CARF: variants seen among roughly 807,000 people sequenced by gnomAD.
The protein encoded by CARF is calcium-responsive transcription factor.
CARF carries 57 observed loss-of-function variants against 82.0 expected under a neutral mutation model. That is an observed-to-expected ratio of 0.70 (90% confidence interval 0.56 to 0.87). CARF has a LOEUF of 0.87. CARF is among the 40% of genes least tolerant of loss of function. CARF has a pLI of 0.00. For synonymous variants in CARF, 268 were observed against 290.1 expected (o/e 0.92, Z 0.77); for missense variants, 771 against 855.8 (o/e 0.90, Z 1.24).
chr2:202,971,966 A>C (rs999845895), intron 12 of CARF, among the ~76,000 whole-genome samples: 2 of 152,150 alleles, frequency 1.3e-5, no homozygotes, highest in African/African-American at 4.8e-5. Flanking sequence ...TACTCACTTG[A>C]GACATTCTAT....
At chr2:202,940,582 G>T (rs2058181772) in intron 3 of CARF, among the ~76,000 whole-genome samples, 3 of 151,956 alleles carry the variant, frequency 2.0e-5, no homozygotes, top group Non-Finnish European at 4.4e-5. Flanking sequence ...AATTGGGTTT[G>T]TTTTTCTCCA....
intron 3 of CARF, among the ~76,000 whole-genome samples, chr2:202,936,414 G>A (rs1693958749): frequency 2.0e-5 from 3 of 152,066 alleles, no homozygotes; most frequent in African/African-American, 7.2e-5. Context: ...ATAAAATTTG[G>A]TACCCATTAG....
rs1456120469 is a variant in CARF, at chr2:202,982,155, T to C, written c.1773T>C (p.Pro591=). The part of the protein sequence containing the change: ...VSVNNQPSSS[P]SGLLDTIGSA... ...TAAATAACCAGCCGTCCTCTAGTCCTTCAGGACTTCTGGATACAATAGGAA... is the reference window on the plus strand; with the variant it reads ...TAAATAACCAGCCGTCCTCTAGTCCCTCAGGACTTCTGGATACAATAGGAA... The change falls in exon 16 of 17, where the codon CCT becomes CCC. Residue 591 remains proline, a synonymous_variant. Coordinates refer to ENST00000438828, the MANE Select transcript of CARF (RefSeq NM_024744.17). 1.5e-5 allele frequency: 25 copies of C among 1,614,088 alleles called. No homozygotes were observed. The highest frequency in any genetic ancestry group is 2.1e-5 in the Non-Finnish European group (25 of 1,180,030).
At position 202,986,831 on chromosome 2, in the gene CARF, C is replaced by T. The variant is rs1276376287; in HGVS notation, c.*3207C>T. ...TGAGAAAGATGTTGTTTAACTTGTA[C>T]CAGGTTTAAAAAAAGAGGTTTAAAA... is the stretch of plus-strand genomic sequence containing the variant. On this transcript the variant is annotated 3_prime_UTR_variant, in exon 17 of 17. Transcript: ENST00000438828. 1.2e-5 allele frequency: 1 copy of T among 86,914 alleles called. No homozygotes were observed. The highest frequency in any genetic ancestry group is 2.6e-5 in the Non-Finnish European group (1 of 38,206). 5.4% of individuals were successfully genotyped at this position (86,914 alleles called of 1,614,324 possible). A position where few individuals can be genotyped will look rare whatever the true frequency, so the allele number is the denominator to read the frequency against.
chr2:202,915,418 C>G (rs1287826204), intron 1 of CARF, among the ~76,000 whole-genome samples: 1 of 152,104 alleles, frequency 6.6e-6, no homozygotes, highest in Non-Finnish European at 1.5e-5. Flanking sequence ...TTCAGCCTCC[C>G]CAATAGCTGC....
At chr2:202,960,377 G>T (rs1275377402) in intron 8 of CARF, among the ~76,000 whole-genome samples, 1 of 152,028 alleles carries the variant, frequency 6.6e-6, no homozygotes, top group Non-Finnish European at 1.5e-5. Flanking sequence ...AACCTCCCAG[G>T]TAGCTAGGAC....
intron 14 of CARF, among the ~76,000 whole-genome samples, chr2:202,979,116 G>A (rs545997517): frequency 6.6e-6 from 1 of 152,242 alleles, no homozygotes. Context: ...AACTAGCTGG[G>A]CATGGTGGCA....
intron 6 of CARF, 132 bp from the exon 7 acceptor site, chr2:202,953,873 G>A (rs543693985): frequency 1.1e-5 from 7 of 611,566 alleles, no homozygotes; most frequent in Middle Eastern, 9.2e-4. Context: ...TCTCAATAAA[G>A]CATTATTCCT....
chr2:202,964,125 A>G (rs2059438955), intron 9 of CARF, among the ~76,000 whole-genome samples: 2 of 152,138 alleles, frequency 1.3e-5, no homozygotes, highest in South Asian at 4.2e-4. Context: ...AGTCCTGAAA[A>G]AACCGTTTTC....
chr2:202,960,983 T>C (rs1559248926), intron 8 of CARF, among the ~76,000 whole-genome samples: 1 of 152,232 alleles, frequency 6.6e-6, no homozygotes, highest in Non-Finnish European at 1.5e-5. Flanking sequence ...AGTTATCTTT[T>C]CTAAATATTC....
intron 11 of CARF, 88 bp downstream of exon 11, chr2:202,970,150 A>G (rs1190407043): frequency 1.6e-6 from 2 of 1,224,300 alleles, no homozygotes; most frequent in African/African-American, 1.6e-5. Flanking sequence ...TAGTTTTCCA[A>G]CTATTTCATT....
chr2:202,967,230 T>A (rs1254751097), intron 10 of CARF, 132 bp downstream of exon 10: 1 of 1,011,042 alleles, frequency 9.9e-7, no homozygotes, highest in African/African-American at 1.7e-5. Context: ...TACCCACATT[T>A]GTTCTGTCTT....
chr2:202,942,919 G>C lies in CARF; in HGVS notation c.258G>C (p.Gln86His). Residue 86 changes from glutamine to histidine, a missense_variant, in exon 5 of 17, where the codon CAG (glutamine) becomes CAC (histidine). By Grantham distance (24) the Gln-to-His change is conservative. Coordinates refer to ENST00000438828, the MANE Select transcript of CARF (RefSeq NM_024744.17). Reference sequence around the variant, plus strand: ...TCCATCTAGTGGACCAAAATGGGCAGGCTATTCAATATGAACTTCAGTCAT... The same window carrying C: ...TCCATCTAGTGGACCAAAATGGGCACGCTATTCAATATGAACTTCAGTCAT... ...EQFHLVDQNG[Q>H]AIQYELQSLG... is the part of the protein sequence containing the mutation. 6.2e-7 allele frequency: 1 copy of C among 1,614,062 alleles called. No homozygotes were observed. Among genetic ancestry groups the C allele is most frequent in the East Asian group, 2.2e-5 (1 of 44,872 alleles).
At chr2:202,924,695 C>G (rs1052471787) in intron 3 of CARF, 2 of 154,350 alleles carry the variant, frequency 1.3e-5, no homozygotes, top group East Asian at 3.8e-4. Context: ...GCTGCTTATA[C>G]AAGAATGGGC....
At chr2:202,956,809 G>C (rs895804438) in intron 8 of CARF, among the ~76,000 whole-genome samples, 5 of 151,540 alleles carry the variant, frequency 3.3e-5, no homozygotes, top group African/African-American at 9.7e-5. Context: ...ATTTTTTTGA[G>C]ATGGAGTCTC....
rs2060489972 is a variant in CARF, at chr2:202,987,767, G to A, written c.*4143G>A. 6.6e-6 allele frequency among the ~76,000 whole-genome samples: 1 copy of A among 152,154 alleles called. No homozygotes were observed. The highest frequency in any genetic ancestry group is 1.9e-4 in the East Asian group (1 of 5,198). ...ATAAGAATACTAAAACCAGAGTACAGGGTGTGAATCATGTACCAGGAGGGA... is the reference window on the plus strand; with the variant it reads ...ATAAGAATACTAAAACCAGAGTACAAGGTGTGAATCATGTACCAGGAGGGA... On this transcript the variant is annotated 3_prime_UTR_variant, in exon 17 of 17. Coordinates refer to ENST00000438828, the MANE Select transcript of CARF (RefSeq NM_024744.17).
intron 5 of CARF, among the ~76,000 whole-genome samples, chr2:202,949,519 A>AT (rs1280217912): frequency 9.8e-5 from 6 of 61,164 alleles, no homozygotes; most frequent in Admixed American, 4.9e-4. Context: ...TTATTTATTT[A>AT]TTATTATTAT....
chr2:202,917,312 G>A (rs1271509482), intron 1 of CARF, among the ~76,000 whole-genome samples: 1 of 148,992 alleles, frequency 6.7e-6, no homozygotes, highest in East Asian at 2.0e-4. Flanking sequence ...TTTTAAATGT[G>A]ATAACAAAAC....
chr2:202,951,721 T>G (rs1374377387), intron 5 of CARF, among the ~76,000 whole-genome samples: 1 of 152,206 alleles, frequency 6.6e-6, no homozygotes, highest in African/African-American at 2.4e-5. Context: ...ATTTTCCCTG[T>G]GTTTTCAGAC....
Sources: allele counts gnomAD v4.1 joint callset (sites outside exome capture counted in the v4.1 genomes callset), GRCh38; gene constraint gnomAD v4.1.1; transcripts MANE v1.5; gene names NCBI Gene and HGNC (gene_info 2026-07-23, HGNC 2026-07-21).